The following LRRC4C variants were observed in gnomAD, a reference collection of about 807,000 sequenced individuals.
The protein encoded by LRRC4C is leucine rich repeat containing 4C.
LRRC4C carries 5 observed loss-of-function variants against 33.6 expected under a neutral mutation model. The observed-to-expected ratio is 0.15, with a 90% CI of 0.08 to 0.31. The LOEUF (loss-of-function observed/expected upper bound fraction) is 0.31. Ranked by LOEUF, LRRC4C falls within the 10% of genes least tolerant of loss-of-function variation. The pLI is 1.00. For synonymous variants in LRRC4C, 329 were observed against 302.0 expected, an observed-to-expected ratio of 1.09 and a Z score of -0.93; for missense variants, 560 against 796.7, an observed-to-expected ratio of 0.70 and a Z score of 3.58.
intron 1 of LRRC4C, among the ~76,000 whole-genome samples, chr11:40,974,872 A>C (rs998834109): frequency 2.6e-5 from 4 of 152,198 alleles, no homozygotes; most frequent in African/African-American, 9.6e-5. Flanking sequence ...CTGGGACTCC[A>C]GGCTTTCTGT....
chr11:41,075,027 T>TTTTTTTA (rs1939024313), intron 1 of LRRC4C, among the ~76,000 whole-genome samples: 12 of 102,976 alleles, frequency 1.2e-4, no homozygotes, highest in African/African-American at 4.8e-4. Flanking sequence ...TTTTTTTTTT[T>TTTTTTTA]TTTTTTTTTA....
chr11:41,075,993 T>C (rs991467344), intron 1 of LRRC4C, among the ~76,000 whole-genome samples: 3 of 152,192 alleles, frequency 2.0e-5, no homozygotes, highest in Admixed American at 6.5e-5. Flanking sequence ...ATTTCAACTT[T>C]CTACCCTCTT....
At chr11:40,516,858 A>C (rs1955579587) in intron 3 of LRRC4C, among the ~76,000 whole-genome samples, 1 of 152,134 alleles carries the variant, frequency 6.6e-6, no homozygotes, top group Non-Finnish European at 1.5e-5. Context: ...CTTGTTTCTA[A>C]CTCAGAGGGG....
chr11:40,982,875 T>G (rs1852642280), intron 1 of LRRC4C, among the ~76,000 whole-genome samples: 1 of 152,240 alleles, frequency 6.6e-6, no homozygotes, highest in East Asian at 1.9e-4. Flanking sequence ...TCTATATGTC[T>G]ATGTGTTCTC....
At chr11:40,515,944 A>T (rs1955543015) in intron 3 of LRRC4C, among the ~76,000 whole-genome samples, 1 of 152,092 alleles carries the variant, frequency 6.6e-6, no homozygotes, top group Non-Finnish European at 1.5e-5. Context: ...ATGATAGTGC[A>T]TATGAGAATA....
At chr11:40,698,424 G>C (rs1404694312) in intron 2 of LRRC4C, among the ~76,000 whole-genome samples, 2 of 151,816 alleles carry the variant, frequency 1.3e-5, no homozygotes, top group South Asian at 2.1e-4. Context: ...ATCCAATTCT[G>C]GTCAAGACAG....
At chr11:40,222,255 C>A (rs961004694) in intron 5 of LRRC4C, among the ~76,000 whole-genome samples, 1 of 152,090 alleles carries the variant, frequency 6.6e-6, no homozygotes, top group Non-Finnish European at 1.5e-5. Flanking sequence ...ATTTCATGGC[C>A]TCGCTTAAAG....
chr11:40,676,860 C>T (rs1477655731), intron 2 of LRRC4C, among the ~76,000 whole-genome samples: 1 of 151,958 alleles, frequency 6.6e-6, no homozygotes. Context: ...AAAAACATTC[C>T]CCAGTTTCTC....
chr11:41,458,038 T>A (rs1338616152), intron 1 of LRRC4C, among the ~76,000 whole-genome samples: 1 of 152,194 alleles, frequency 6.6e-6, no homozygotes. Flanking sequence ...TTGAGTATGA[T>A]GCCTGACATC....
intron 3 of LRRC4C, among the ~76,000 whole-genome samples, chr11:40,489,774 C>T (rs1439309017): frequency 6.6e-6 from 1 of 152,074 alleles, no homozygotes; most frequent in Non-Finnish European, 1.5e-5. Flanking sequence ...TATTCTATTA[C>T]ATTTGAAGAT....
intron 3 of LRRC4C, among the ~76,000 whole-genome samples, chr11:40,439,615 G>C (rs1428531195): frequency 6.6e-6 from 1 of 151,814 alleles, no homozygotes; most frequent in Non-Finnish European, 1.5e-5. Flanking sequence ...CACTACACCT[G>C]GCTACTTTTT....
chr11:41,078,285 T>G (rs942065818), intron 1 of LRRC4C, among the ~76,000 whole-genome samples: 4 of 152,174 alleles, frequency 2.6e-5, no homozygotes, highest in Non-Finnish European at 5.9e-5. Flanking sequence ...TGTTCCAACT[T>G]CTGCCCATTA....
At chr11:40,457,112 A>G (rs1321137674) in intron 3 of LRRC4C, among the ~76,000 whole-genome samples, 7 of 150,490 alleles carry the variant, frequency 4.7e-5, no homozygotes, top group Non-Finnish European at 1.0e-4. Context: ...AGAAAAAAAA[A>G]AAAGAAAAAA....
chr11:40,170,340 T>C (rs747497830), intron 5 of LRRC4C, among the ~76,000 whole-genome samples: 23 of 152,174 alleles, frequency 1.5e-4, no homozygotes, highest in Non-Finnish European at 2.5e-4. Flanking sequence ...CAGAGAACCT[T>C]GTGCATCCAA....
chr11:41,077,577 C>T (rs1939247728), intron 1 of LRRC4C, among the ~76,000 whole-genome samples: 1 of 152,162 alleles, frequency 6.6e-6, no homozygotes, highest in African/African-American at 2.4e-5. Flanking sequence ...TGTTGCAAGG[C>T]TGCACAGAGT....
chr11:40,166,813 G>A (rs1004590943), intron 5 of LRRC4C, among the ~76,000 whole-genome samples: 3 of 152,080 alleles, frequency 2.0e-5, no homozygotes, highest in South Asian at 2.1e-4. Context: ...ATATTGGAGT[G>A]CATTATATAC....
rs540268315 is a variant in LRRC4C at position 41,345,613 on chromosome 11, T to C, written c.-496+113818A>G. Among the ~76,000 whole-genome samples, 5 of 152,312 alleles carry C rather than the reference T, an allele frequency of 3.3e-5. No individual in the cohort carries two copies. The East Asian group carries it at 9.7e-4, about 29-fold the overall frequency. ...TAGAAATATTTTTTAAGAATCAAAA[T>C]AGGTAAAATCATTTGACCCTTTAAA... On this transcript the variant is annotated intron_variant, in intron 1 of 6. Coordinates refer to ENST00000528697, the MANE Select transcript of LRRC4C (RefSeq NM_001258419.2).
At chr11:40,248,091 C>CT (rs1296963290) in intron 4 of LRRC4C, among the ~76,000 whole-genome samples, 1 of 152,146 alleles carries the variant, frequency 6.6e-6, no homozygotes, top group Admixed American at 6.6e-5. Flanking sequence ...TACTTTTCTA[C>CT]ACTTTCTTAT....
In LRRC4C at chr11:40,273,795, A is replaced by G. The variant is rs558177575; in HGVS notation, c.-175-32197T>C. Among the ~76,000 whole-genome samples, 5 of 152,272 alleles carry G rather than the reference A, an allele frequency of 3.3e-5. No individual in the cohort carries two copies. The South Asian group carries it at 1.0e-3, about 32-fold the overall frequency. ...CTAAGGCAAAGAAGAATGAAACAAG[A>G]TATGATTATTGGAAACAGAAATGAA... On this transcript the variant is annotated intron_variant, in intron 4 of 6. Transcript: ENST00000528697.
Sources: allele counts gnomAD v4.1 joint callset (sites outside exome capture counted in the v4.1 genomes callset), GRCh38; gene constraint gnomAD v4.1.1; transcripts MANE v1.5; gene names NCBI Gene and HGNC (gene_info 2026-07-23, HGNC 2026-07-21).